The following TMEM163 variants were observed in gnomAD, a reference collection of about 807,000 sequenced individuals.
The protein encoded by TMEM163 is transmembrane protein 163.
TMEM163 carries 17 observed loss-of-function variants against 29.3 expected under a neutral mutation model. That is an observed-to-expected ratio of 0.58 (90% CI 0.40 to 0.87). TMEM163 has a LOEUF of 0.87. TMEM163 is among the 40% of genes least tolerant of loss of function. The pLI is 0.00. For synonymous variants in TMEM163, 157 were observed against 160.6 expected (o/e 0.98, Z 0.17); for missense variants, 303 against 381.5 (o/e 0.79, Z 1.71).
intron 2 of TMEM163, among the ~76,000 whole-genome samples, chr2:134,570,307 T>C (rs895274150): frequency 3.9e-5 from 6 of 152,100 alleles, no homozygotes; most frequent in African/African-American, 1.2e-4. Flanking sequence ...GCATGATAAG[T>C]GCTTAGTTAA....
intron 1 of TMEM163, 104 bp from the exon 2 acceptor site, chr2:134,713,423 G>A: frequency 6.6e-7 from 1 of 1,524,668 alleles, no homozygotes; most frequent in Non-Finnish European, 9.0e-7. Context: ...ACAGCCCGTG[G>A]GCCAAGACGT....
At chr2:134,663,020 G>A (rs756450206) in intron 2 of TMEM163, among the ~76,000 whole-genome samples, 10 of 152,206 alleles carry the variant, frequency 6.6e-5, no homozygotes, top group African/African-American at 2.2e-4. Context: ...ACTCTCTGGC[G>A]TGGGAGTCTT....
At chr2:134,508,377 C>T (rs1185796458) in intron 4 of TMEM163, among the ~76,000 whole-genome samples, 1 of 152,226 alleles carries the variant, frequency 6.6e-6, no homozygotes, top group South Asian at 2.1e-4. Context: ...TGAGACAGTG[C>T]TCAAATGTGA....
Position 134,502,999 on chromosome 2 carries a change from T to C in TMEM163, c.459-2A>G. 6.2e-7 allele frequency: 1 copy of C among 1,612,052 alleles called. No homozygotes were observed. The highest frequency in any genetic ancestry group is 8.5e-7 in the Non-Finnish European group (1 of 1,178,892). On this transcript the variant is annotated splice_acceptor_variant, in intron 4 of 7. Coordinates refer to ENST00000281924, the MANE Select transcript of TMEM163 (RefSeq NM_030923.5). LOFTEE classifies it high-confidence loss of function. ...ATCACCCCCAAGATGACACAGGCTC[T>C]GCAAAAAACAAAACATTGAGAATCT...
chr2:134,713,632 G>A, intron 1 of TMEM163: 1 of 506,378 alleles, frequency 2.0e-6, no homozygotes, highest in South Asian at 1.5e-5. Flanking sequence ...CTTTGCCCCT[G>A]TGTTATGTTG....
At chr2:134,543,523 G>C (rs1680720847) in intron 4 of TMEM163, among the ~76,000 whole-genome samples, 1 of 152,216 alleles carries the variant, frequency 6.6e-6, no homozygotes, top group African/African-American at 2.4e-5. Flanking sequence ...AAGAAGCGGG[G>C]AGAGACATGA....
At chr2:134,680,057 A>G (rs574164635) in intron 2 of TMEM163, among the ~76,000 whole-genome samples, 1 of 152,364 alleles carries the variant, frequency 6.6e-6, no homozygotes, top group Admixed American at 6.5e-5. Flanking sequence ...CTGAGTTTCC[A>G]TGGCTCTGGG....
intron 2 of TMEM163, among the ~76,000 whole-genome samples, chr2:134,591,020 A>ACAAAG (rs1681924257): frequency 6.6e-6 from 1 of 152,220 alleles, no homozygotes; most frequent in African/African-American, 2.4e-5. Flanking sequence ...AGTAAGGGGA[A>ACAAAG]CAAAGCAATA....
chr2:134,505,209 G>A (rs573511464), intron 4 of TMEM163, among the ~76,000 whole-genome samples: 14 of 148,696 alleles, frequency 9.4e-5, no homozygotes, highest in Non-Finnish European at 2.1e-4. Flanking sequence ...TCCCAGCACT[G>A]AGAGCACATT....
chr2:134,571,181 T>A (rs1027730846), intron 2 of TMEM163, among the ~76,000 whole-genome samples: 1 of 152,068 alleles, frequency 6.6e-6, no homozygotes, highest in Non-Finnish European at 1.5e-5. Context: ...AGAATCCAAT[T>A]ATATCTAATT....
chr2:134,526,936 G>A lies in TMEM163; in HGVS notation c.458+23634C>T, dbSNP rs72982300. On this transcript the variant is annotated intron_variant, in intron 4 of 7. Transcript: ENST00000281924. ...CTTAAGTATGTCTAAAAAACAGCAC[G>A]GTTCAGTATATGCTGTTCAAGACAG... Among the ~76,000 whole-genome samples the A allele has an allele frequency of 2.8e-3, 430 of 152,186 alleles. 3 individuals carry two copies. The highest frequency in any genetic ancestry group is 9.6e-3 in the African/African-American group (398 of 41,512).
At chr2:134,630,849 G>A (rs1202789140) in intron 2 of TMEM163, among the ~76,000 whole-genome samples, 1 of 152,210 alleles carries the variant, frequency 6.6e-6, no homozygotes, top group East Asian at 1.9e-4. Flanking sequence ...TATGGGAGAT[G>A]TGTGAGGGAC....
intron 2 of TMEM163, among the ~76,000 whole-genome samples, chr2:134,679,064 A>T (rs1354056763): frequency 1.3e-5 from 2 of 151,954 alleles, no homozygotes; most frequent in African/African-American, 4.8e-5. Flanking sequence ...GGCATAAGGC[A>T]CAGTGTCTGT....
intron 2 of TMEM163, among the ~76,000 whole-genome samples, chr2:134,695,722 G>A (rs1684564159): frequency 6.6e-6 from 1 of 152,030 alleles, no homozygotes; most frequent in Admixed American, 6.6e-5. Context: ...AAATTCAAAA[G>A]CCTTTCTTTT....
intron 5 of TMEM163, among the ~76,000 whole-genome samples, chr2:134,489,948 T>C (rs187048644): frequency 1.1e-4 from 17 of 152,338 alleles, no homozygotes; most frequent in Admixed American, 2.0e-4. Flanking sequence ...CTAAGTGCAG[T>C]ACCAGCTTAC....
intron 2 of TMEM163, among the ~76,000 whole-genome samples, chr2:134,600,101 G>A (rs757664004): frequency 2.0e-5 from 3 of 152,028 alleles, no homozygotes; most frequent in Non-Finnish European, 2.9e-5. Flanking sequence ...TGCCCACCAC[G>A]TAAAAGCCAA....
chr2:134,519,610 G>A (rs1285831388), intron 4 of TMEM163, among the ~76,000 whole-genome samples: 3 of 152,046 alleles, frequency 2.0e-5, no homozygotes, highest in African/African-American at 7.3e-5. Flanking sequence ...TACTCGGGAG[G>A]CTGAGGCAGG....
chr2:134,492,549 T>C (rs1679453080), intron 5 of TMEM163, among the ~76,000 whole-genome samples: 1 of 152,226 alleles, frequency 6.6e-6, no homozygotes, highest in African/African-American at 2.4e-5. Context: ...ACTGTCTGCT[T>C]TCTCTCACTA....
At chr2:134,524,744 C>T (rs1203547512) in intron 4 of TMEM163, among the ~76,000 whole-genome samples, 2 of 150,194 alleles carry the variant, frequency 1.3e-5, no homozygotes, top group Non-Finnish European at 3.0e-5. Flanking sequence ...ATATATGTAC[C>T]ACATTTTCTT....
Sources: gnomAD v4.1 joint callset for allele counts (sites outside exome capture counted in the v4.1 genomes callset) on GRCh38, gnomAD v4.1.1 for gene constraint, MANE v1.5 for transcripts, NCBI Gene and HGNC (gene_info 2026-07-23, HGNC 2026-07-21) for gene names.